MCTP2: variants seen among roughly 807,000 people sequenced by gnomAD.
The protein encoded by MCTP2 is multiple C2 and transmembrane domain containing 2.
MCTP2 carries 132 observed loss-of-function variants against 111.6 expected under a neutral mutation model. The ratio of observed to expected loss-of-function variants is 1.18; its 90% CI spans 1.03 to 1.37. The LOEUF (loss-of-function observed/expected upper bound fraction) is 1.37, where lower values mean the gene tolerates loss of function less well. Among genes scored for constraint, MCTP2 ranks in the 40% most tolerant of loss-of-function variants. The pLI, the probability that MCTP2 is intolerant of heterozygous loss-of-function variation, is 0.00. For synonymous variants in MCTP2, 395 were observed against 387.7 expected, an observed-to-expected ratio of 1.02 and a Z score of -0.22; for missense variants, 1,183 against 1,067.9, an observed-to-expected ratio of 1.11 and a Z score of -1.50.
At chr15:94,390,074 A>G (rs60859840) in intron 14 of MCTP2, among the ~76,000 whole-genome samples, 1,269 of 25,710 alleles carry the variant, frequency 0.049, 52 homozygotes, top group African/African-American at 0.12. Context: ...ATATATATAT[A>G]TATATATATA....
chr15:94,431,806 A>G (rs965713244), intron 17 of MCTP2, among the ~76,000 whole-genome samples: 3 of 152,148 alleles, frequency 2.0e-5, no homozygotes, highest in Non-Finnish European at 4.4e-5. Context: ...GCCCTATACA[A>G]TAGGATGATT....
At chr15:94,252,916 T>C (rs1227898132) in intron 1 of MCTP2, among the ~76,000 whole-genome samples, 1 of 152,194 alleles carries the variant, frequency 6.6e-6, no homozygotes, top group East Asian at 1.9e-4. Flanking sequence ...TTAAATGTTG[T>C]TTATTTTATC....
chr15:94,464,355 A>G lies in MCTP2; in HGVS notation c.2361-5978A>G, dbSNP rs1203659260. On this transcript the variant is annotated intron_variant, in intron 20 of 22. Coordinates refer to ENST00000357742, the MANE Select transcript of MCTP2 (RefSeq NM_001385001.1). ...TTCAAAGAGTTTGTCCCTTTCATAT[A>G]AATTTTCTACTTGTTGATTTAATGT... Among the ~76,000 whole-genome samples the G allele has an allele frequency of 1.6e-4, 3 of 19,230 alleles. No individual in the cohort carries two copies. In the South Asian group the frequency reaches 3.2e-3, roughly 21 times the overall value. 12.6% of individuals were successfully genotyped at this position (19,230 alleles called of 152,430 possible).
At chr15:94,319,791 C>T (rs528821420) in intron 4 of MCTP2, among the ~76,000 whole-genome samples, 1 of 152,120 alleles carries the variant, frequency 6.6e-6, no homozygotes, top group Non-Finnish European at 1.5e-5. Flanking sequence ...AGTATTAACC[C>T]AATTAAAACA....
At chr15:94,267,263 C>T (rs2073591734) in intron 1 of MCTP2, among the ~76,000 whole-genome samples, 1 of 152,136 alleles carries the variant, frequency 6.6e-6, no homozygotes, top group Admixed American at 6.6e-5. Context: ...TATTGCTATC[C>T]ATATAGTTTT....
At chr15:94,353,063 G>C (rs2078396242) in intron 8 of MCTP2, among the ~76,000 whole-genome samples, 1 of 152,164 alleles carries the variant, frequency 6.6e-6, no homozygotes, top group Non-Finnish European at 1.5e-5. Flanking sequence ...TTTTCTATCT[G>C]TGAACTCTGC....
intron 14 of MCTP2, among the ~76,000 whole-genome samples, chr15:94,390,684 T>G (rs1478308848): frequency 6.6e-6 from 1 of 151,900 alleles, no homozygotes; most frequent in Non-Finnish European, 1.5e-5. Flanking sequence ...AAATAAGAAG[T>G]CATCTGCAGT....
At chr15:94,472,439 A>T (rs943350919) in intron 21 of MCTP2, among the ~76,000 whole-genome samples, 15 of 152,168 alleles carry the variant, frequency 9.9e-5, no homozygotes, top group African/African-American at 2.2e-4. Flanking sequence ...TTGATCATCA[A>T]TTTTGAGATT....
intron 10 of MCTP2, among the ~76,000 whole-genome samples, chr15:94,359,609 A>G (rs1441493765): frequency 6.6e-6 from 1 of 152,110 alleles, no homozygotes; most frequent in Non-Finnish European, 1.5e-5. Flanking sequence ...TGTGCTCTGT[A>G]TTGGGATTCC....
intron 4 of MCTP2, among the ~76,000 whole-genome samples, chr15:94,330,244 A>G (rs372536249): frequency 2.7e-4 from 41 of 152,154 alleles, no homozygotes; most frequent in African/African-American, 9.9e-4. Flanking sequence ...GTTATTCTTG[A>G]ATTTTGGTCC....
chr15:94,417,194 C>G (rs1251521856), intron 17 of MCTP2, among the ~76,000 whole-genome samples: 1 of 152,098 alleles, frequency 6.6e-6, no homozygotes, highest in Non-Finnish European at 1.5e-5. Flanking sequence ...ACATCTGCCT[C>G]CTGGTTTTTA....
chr15:94,289,622 A>G (rs1035179788), intron 1 of MCTP2, among the ~76,000 whole-genome samples: 3 of 152,356 alleles, frequency 2.0e-5, no homozygotes, highest in Non-Finnish European at 4.4e-5. Context: ...GAAATTAAGT[A>G]TGGCTTATGG....
chr15:94,243,680 T>C (rs547012046), intron 1 of MCTP2, among the ~76,000 whole-genome samples: 3 of 148,566 alleles, frequency 2.0e-5, no homozygotes, highest in Non-Finnish European at 4.5e-5. Flanking sequence ...TACACATATA[T>C]GTATACACAT....
chr15:94,242,986 C>CGG lies in MCTP2; in HGVS notation c.-66+11323_-66+11324insGG, dbSNP rs1421883744. Among the ~76,000 whole-genome samples the CGG allele has an allele frequency of 9.8e-5, 8 of 81,918 alleles. 1 individual carries two copies. Among genetic ancestry groups the CGG allele is most frequent in the Non-Finnish European group, 1.3e-4 (5 of 37,088 alleles). The allele number at this position is 81,918 out of a possible 152,430, so 53.7% of individuals were successfully genotyped here. On this transcript the variant is annotated intron_variant, in intron 1 of 22. Transcript: ENST00000357742. ...GTGTATATGTGTATCTACACATACA[C>CGG]GTGTATATGTGTATCTACACATACA...
rs141339004 is a variant in MCTP2 at position 94,243,733 on chromosome 15, G to GTA, written c.-66+12072_-66+12073dup. 4.5e-3 allele frequency among the ~76,000 whole-genome samples: 629 copies of GTA among 140,766 alleles called. 11 individuals carry two copies. Among genetic ancestry groups the GTA allele is most frequent in the African/African-American group, 0.017 (586 of 35,432 alleles). 92.3% of individuals were successfully genotyped at this position (140,766 alleles called of 152,430 possible). A position where few individuals can be genotyped will look rare whatever the true frequency, so the allele number is the denominator to read the frequency against. On this transcript the variant is annotated intron_variant, in intron 1 of 22. Transcript: ENST00000357742. ...CATATATGTATACACATACATATGT[G>GTA]TATACATATATGTATACACATGCAT...
Position 94,356,196 on chromosome 15 carries a change from C to A in MCTP2, c.1065C>A (p.Asn355Lys), listed in dbSNP as rs553319587. The A allele has an allele frequency of 1.2e-6, 2 of 1,612,660 alleles. No individual in the cohort carries two copies. Among genetic ancestry groups the A allele is most frequent in the Non-Finnish European group, 1.7e-6 (2 of 1,179,296 alleles). The change falls in exon 9 of 23, where the codon AAC (asparagine) becomes AAA (lysine). Residue 355 changes from asparagine to lysine, a missense_variant. By Grantham distance (94) the Asn-to-Lys change is moderately conservative (BLOSUM62 0). Coordinates refer to ENST00000357742, the MANE Select transcript of MCTP2 (RefSeq NM_001385001.1). ...CCTTGAAAAAGAACCAACTCTGGAA[C>A]GGGATTATAAGTATAACTTTGTTGG... is the stretch of plus-strand genomic sequence containing the variant. ...SESLKKNQLWNGIISITLLEG... is the reference protein window; with the variant it reads ...SESLKKNQLWKGIISITLLEG...
chr15:94,296,664 C>G (rs2075289929), intron 1 of MCTP2, among the ~76,000 whole-genome samples: 1 of 152,214 alleles, frequency 6.6e-6, no homozygotes, highest in African/African-American at 2.4e-5. Context: ...GTGCTTTCTA[C>G]TTTGTGTCAT....
chr15:94,458,207 T>A lies in MCTP2; in HGVS notation c.2321T>A (p.Val774Asp), dbSNP rs766647901. The change falls in exon 20 of 23, where the codon GTC becomes GAC. Residue 774 changes from valine (V) to aspartate (D), a missense_variant. By Grantham distance (152) the Val-to-Asp change is radical (BLOSUM62 -3). Coordinates refer to ENST00000357742, the MANE Select transcript of MCTP2 (RefSeq NM_001385001.1). ...GATATTGTTTCAACTGTTCAAAACG[T>A]CTTGGAGGAAATAGCTTCTTTTGGA... ...VQDIVSTVQN[V>D]LEEIASFGER... 1 of 1,612,052 alleles carries A rather than the reference T, an allele frequency of 6.2e-7. No individual in the cohort carries two copies. The highest frequency in any genetic ancestry group is 8.5e-7 in the Non-Finnish European group (1 of 1,178,126).
chr15:94,390,074 A>ATATATACATG (rs2080813639), intron 14 of MCTP2, among the ~76,000 whole-genome samples: 3 of 25,852 alleles, frequency 1.2e-4, no homozygotes, highest in African/African-American at 3.7e-4. Context: ...ATATATATAT[A>ATATATACATG]TATATATATA....
Sources: gnomAD v4.1 joint callset for allele counts (sites outside exome capture counted in the v4.1 genomes callset) on GRCh38, gnomAD v4.1.1 for gene constraint, MANE v1.5 for transcripts, NCBI Gene and HGNC (gene_info 2026-07-23, HGNC 2026-07-21) for gene names.